Variants in VAV2 observed in about 807,000 individuals in gnomAD.
VAV2 encodes the protein vav guanine nucleotide exchange factor 2.
VAV2 carries 67 observed loss-of-function variants against 132.5 expected under a neutral mutation model. The ratio of observed to expected loss-of-function variants is 0.51; its 90% CI spans 0.42 to 0.62. The LOEUF (loss-of-function observed/expected upper bound fraction) is 0.62. Ranked by LOEUF, VAV2 falls within the 20% of genes least tolerant of loss-of-function variation. The pLI is 0.00. For missense variants in VAV2, 938 were observed against 1,153.6 expected (o/e 0.81, Z 2.71); for synonymous variants, 492 against 443.5 (o/e 1.11, Z -1.37).
At chr9:133,861,001 G>A (rs1196754806) in intron 3 of VAV2, among the ~76,000 whole-genome samples, 4 of 152,178 alleles carry the variant, frequency 2.6e-5, no homozygotes, top group Admixed American at 2.6e-4. Flanking sequence ...ACCATGCTCC[G>A]GCGCCATCCC....
chr9:133,809,027 C>CA lies in VAV2; in HGVS notation c.666+12dup. ...GCCGCTGCCATTTTCCAGTGGCCGC[C>CA]ATCTGCCCTCACCTTCTCAATGTCC... is the stretch of plus-strand genomic sequence containing the variant. On this transcript the variant is annotated intron_variant, in intron 7 of 29. Coordinates refer to ENST00000371850, the MANE Select transcript of VAV2 (RefSeq NM_001134398.2). 1 of 1,611,680 alleles carries CA rather than the reference C, an allele frequency of 6.2e-7. No homozygotes were observed. The highest frequency in any genetic ancestry group is 8.5e-7 in the Non-Finnish European group (1 of 1,178,262).
At chr9:133,915,474 A>G (rs1056304757) in intron 2 of VAV2, among the ~76,000 whole-genome samples, 8 of 152,236 alleles carry the variant, frequency 5.3e-5, no homozygotes, top group Admixed American at 3.3e-4. Flanking sequence ...AATGCCGGAC[A>G]AGGGGCTGTG....
intron 1 of VAV2, among the ~76,000 whole-genome samples, chr9:133,964,018 C>T (rs962655377): frequency 2.6e-5 from 2 of 76,862 alleles, no homozygotes; most frequent in Non-Finnish European, 5.1e-5. Context: ...AAAAATTATT[C>T]ATTCATATAT....
intron 2 of VAV2, among the ~76,000 whole-genome samples, chr9:133,881,634 C>G (rs979015736): frequency 1.3e-5 from 2 of 152,220 alleles, no homozygotes; most frequent in African/African-American, 2.4e-5. Context: ...CACTGGAAAC[C>G]GCCGAGGTCC....
At chr9:133,799,808 C>T (rs1417240673) in intron 9 of VAV2, among the ~76,000 whole-genome samples, 7 of 152,090 alleles carry the variant, frequency 4.6e-5, no homozygotes, top group Non-Finnish European at 1.0e-4. Flanking sequence ...CTTCAGAAGC[C>T]CCCGGTAGAG....
chr9:133,770,568 C>A (rs766794002), intron 26 of VAV2, 67 bp from the exon 27 acceptor site: 2 of 1,590,470 alleles, frequency 1.3e-6, no homozygotes, highest in Non-Finnish European at 1.7e-6. Flanking sequence ...AGTGACCTGG[C>A]CTCCCTCTCC....
chr9:133,831,099 T>C (rs187350673), intron 4 of VAV2, among the ~76,000 whole-genome samples: 18 of 152,162 alleles, frequency 1.2e-4, no homozygotes, highest in African/African-American at 3.9e-4. Flanking sequence ...TGCATTTTGG[T>C]TCAAGAGATC....
rs1838561107 is a variant in VAV2 at position 133,883,010 on chromosome 9, G to A, written c.322-21578C>T. Among the ~76,000 whole-genome samples the A allele has an allele frequency of 1.3e-5, 2 of 152,218 alleles. No individual in the cohort carries two copies. Among genetic ancestry groups the A allele is most frequent in the African/African-American group, 4.8e-5 (2 of 41,532 alleles). On this transcript the variant is annotated intron_variant, in intron 2 of 29. Coordinates refer to ENST00000371850, the MANE Select transcript of VAV2 (RefSeq NM_001134398.2). This position sits in a 1 kb window ranked among gnomAD's most constrained non-coding sequence, Gnocchi z 4.2. ...TCTGGCACCCTGGGTTCGGGATGTG[G>A]GCCCCACACCCACCCCATGCCAGGC...
At chr9:133,828,400 AGTGGGG>A in intron 4 of VAV2, among the ~76,000 whole-genome samples, 1 of 5,414 alleles carries the variant, frequency 1.8e-4, no homozygotes, top group African/African-American at 4.4e-4. Flanking sequence ...CTGACCACTG[AGTGGGG>A]GCATCACCAC....
At position 133,939,091 on chromosome 9, in the gene VAV2, G is replaced by T. The variant is rs575938287; in HGVS notation, c.321+12C>A. ...AGCTGAGCGACCGAGGCTGGAGAGA[G>T]TGACTGCTCACCTTTCCAAAGTCTC... is the stretch of plus-strand genomic sequence containing the variant. On this transcript the variant is annotated intron_variant, in intron 2 of 29. Coordinates refer to ENST00000371850, the MANE Select transcript of VAV2 (RefSeq NM_001134398.2). The T allele has an allele frequency of 6.2e-7, 1 of 1,612,922 alleles. No individual in the cohort carries two copies. The highest frequency in any genetic ancestry group is 8.5e-7 in the Non-Finnish European group (1 of 1,178,980).
At chr9:133,822,141 A>G (rs1427001120) in intron 4 of VAV2, among the ~76,000 whole-genome samples, 2 of 146,908 alleles carry the variant, frequency 1.4e-5, no homozygotes, top group South Asian at 2.1e-4. Context: ...CTCAGAGGCC[A>G]TTGCCCCCGC....
chr9:133,990,940 C>G (rs1021594977), intron 1 of VAV2, among the ~76,000 whole-genome samples: 6 of 152,162 alleles, frequency 3.9e-5, no homozygotes, highest in Admixed American at 6.5e-5. Flanking sequence ...TCAGCGCCCC[C>G]CAACCCGGCA....
At chr9:133,772,318 G>C (rs1018115223) in intron 25 of VAV2, among the ~76,000 whole-genome samples, 6 of 152,224 alleles carry the variant, frequency 3.9e-5, no homozygotes, top group Admixed American at 3.3e-4. Context: ...GCCCTGCTGA[G>C]GCCTCCTGTC....
At chr9:133,775,142 G>C (rs1448006160) in intron 24 of VAV2, 91 bp from the exon 25 acceptor site, 1 of 1,020,656 alleles carries the variant, frequency 9.8e-7, no homozygotes, top group African/African-American at 1.6e-5. Flanking sequence ...GCCACATGAA[G>C]TACTCTGCAG....
rs950538474 is a variant in VAV2 at position 133,866,663 on chromosome 9, G to A, written c.322-5231C>T. Reference sequence around the variant, plus strand: ...TATTAGGAATACAAAAAAATTAGCCGGGCGTGGTGGCACATGCCTGTAGTT... The same window carrying A: ...TATTAGGAATACAAAAAAATTAGCCAGGCGTGGTGGCACATGCCTGTAGTT... On this transcript the variant is annotated intron_variant, in intron 2 of 29. Transcript: ENST00000371850. Among the ~76,000 whole-genome samples, 21 of 152,182 alleles carry A rather than the reference G, an allele frequency of 1.4e-4. No individual in the cohort carries two copies. The East Asian group carries it at 2.7e-3, about 20-fold the overall frequency.
At chr9:133,979,439 T>G (rs1460879142) in intron 1 of VAV2, among the ~76,000 whole-genome samples, 1 of 151,794 alleles carries the variant, frequency 6.6e-6, no homozygotes, top group African/African-American at 2.4e-5. Context: ...CCAGAGGAGA[T>G]GGGTCCCCAG....
intron 4 of VAV2, among the ~76,000 whole-genome samples, chr9:133,827,552 G>A (rs71483209): frequency 1.2e-4 from 2 of 16,670 alleles, no homozygotes; most frequent in Non-Finnish European, 6.7e-4. Context: ...GGCATCGCCA[G>A]CTACCGCTGC....
At chr9:133,934,037 TAGATGGATGGAC>T (rs1840811622) in intron 2 of VAV2, among the ~76,000 whole-genome samples, 1 of 149,560 alleles carries the variant, frequency 6.7e-6, no homozygotes, top group South Asian at 2.1e-4. Context: ...GGTGGATGGG[TAGATGGATGGAC>T]AGATGAATGA....
At chr9:133,988,398 A>T (rs1342030091) in intron 1 of VAV2, among the ~76,000 whole-genome samples, 1 of 152,148 alleles carries the variant, frequency 6.6e-6, no homozygotes, top group Non-Finnish European at 1.5e-5. Flanking sequence ...TGCAATCCCT[A>T]TGTTGGTTTT....
Sources: allele counts gnomAD v4.1 joint callset (sites outside exome capture counted in the v4.1 genomes callset), GRCh38; gene constraint gnomAD v4.1.1; non-coding constraint Gnocchi (gnomAD v3.1); transcripts MANE v1.5; gene names NCBI Gene and HGNC (gene_info 2026-07-23, HGNC 2026-07-21).